LGR4: variants seen among roughly 807,000 people sequenced by gnomAD.
LGR4 encodes the protein leucine-rich repeat-containing G protein-coupled receptor 4.
LGR4 carries 44 observed loss-of-function variants against 84.8 expected under a neutral mutation model. That is an observed-to-expected ratio of 0.52 (90% CI 0.41 to 0.67). LGR4 has a LOEUF of 0.67. Ranked by LOEUF, LGR4 falls within the 30% of genes least tolerant of loss-of-function variation. The pLI, the probability that LGR4 is intolerant of heterozygous loss-of-function variation, is 0.00. For missense variants in LGR4, 1,032 were observed against 1,131.4 expected (o/e 0.91, Z 1.26); for synonymous variants, 429 against 434.3 (o/e 0.99, Z 0.15).
In LGR4 at chr11:27,465,841, G is replaced by A. The variant is rs141657933; in HGVS notation, c.185+6277C>T. On this transcript the variant is annotated intron_variant, in intron 1 of 17. Coordinates refer to ENST00000379214, the MANE Select transcript of LGR4 (RefSeq NM_018490.5). ...CAGACAAATTAGCCATTGTGTAAGA[G>A]TACTGATTTGCTAAATGTCCTAGAT... Among the ~76,000 whole-genome samples, 552 of 152,294 alleles carry A rather than the reference G, an allele frequency of 3.6e-3. 4 individuals are homozygous for A. Among genetic ancestry groups the A allele is most frequent in the Middle Eastern group, 6.8e-3 (2 of 294 alleles).
In LGR4 at chr11:27,369,056, T is replaced by C. The variant is rs754383451; in HGVS notation, c.1667A>G (p.Asn556Ser). The C allele has an allele frequency of 1.9e-6, 3 of 1,613,654 alleles. No individual in the cohort carries two copies. The highest frequency in any genetic ancestry group is 2.5e-6 in the Non-Finnish European group (3 of 1,179,932). Reference sequence around the variant, plus strand: ...AAATGTTGTTAAAATAACAAGCAGGTTGAAAAATAATGCAACCAAGAAAAT... The same window carrying C: ...AAATGTTGTTAAAATAACAAGCAGGCTGAAAAATAATGCAACCAAGAAAAT... ...WFIFLVALFFNLLVILTTFAS... is the reference protein window; with the variant it reads ...WFIFLVALFFSLLVILTTFAS... The change falls in exon 18 of 18, where the codon AAC becomes AGC. Residue 556 changes from asparagine to serine, a missense_variant. Physicochemically the swap from Asn to Ser is conservative, Grantham distance 46. Coordinates refer to ENST00000379214, the MANE Select transcript of LGR4 (RefSeq NM_018490.5).
intron 2 of LGR4, among the ~76,000 whole-genome samples, chr11:27,395,247 A>G (rs1408527901): frequency 6.6e-6 from 1 of 152,106 alleles, no homozygotes; most frequent in Non-Finnish European, 1.5e-5. Flanking sequence ...CTATAAACAG[A>G]GTAAGGCTGT....
intron 2 of LGR4, among the ~76,000 whole-genome samples, chr11:27,409,520 C>T (rs1343829555): frequency 6.6e-6 from 1 of 152,078 alleles, no homozygotes; most frequent in Non-Finnish European, 1.5e-5. Flanking sequence ...TGTTCCCGGT[C>T]TCAGCAAATG....
chr11:27,421,572 G>C (rs1157390916), intron 1 of LGR4, among the ~76,000 whole-genome samples: 1 of 152,014 alleles, frequency 6.6e-6, no homozygotes, highest in African/African-American at 2.4e-5. Context: ...ATAAAACACT[G>C]GTGTGTAAAT....
At chr11:27,382,335 A>AT in intron 6 of LGR4, 79 bp from the exon 7 acceptor site, 1 of 898,400 alleles carries the variant, frequency 1.1e-6, no homozygotes, top group Non-Finnish European at 1.8e-6. Flanking sequence ...ACAGACAAGT[A>AT]TTTTTTTAAA....
At chr11:27,470,352 A>G (rs11030018) in intron 1 of LGR4, among the ~76,000 whole-genome samples, 1 of 152,318 alleles carries the variant, frequency 6.6e-6, no homozygotes, top group East Asian at 1.9e-4. Flanking sequence ...TTAGATACTA[A>G]TGTAAAACAG....
At chr11:27,443,143 C>T (rs1200751950) in intron 1 of LGR4, among the ~76,000 whole-genome samples, 1 of 152,256 alleles carries the variant, frequency 6.6e-6, no homozygotes, top group South Asian at 2.1e-4. Context: ...AAATGGAAGG[C>T]CTAGAGTCTT....
intron 1 of LGR4, among the ~76,000 whole-genome samples, chr11:27,456,459 G>A (rs1864579005): frequency 1.3e-5 from 2 of 152,186 alleles, no homozygotes; most frequent in Admixed American, 1.3e-4. Flanking sequence ...CAACAGGAGA[G>A]GCAGGAAATT....
Position 27,368,852 on chromosome 11 carries a change from A to T in LGR4, c.1871T>A (p.Leu624His). 6.2e-7 allele frequency: 1 copy of T among 1,614,214 alleles called. No homozygotes were observed. The highest frequency in any genetic ancestry group is 8.5e-7 in the Non-Finnish European group (1 of 1,180,040). Residue 624 changes from leucine (L) to histidine (H), a missense_variant, in exon 18 of 18, where the codon CTT becomes CAT. Leu to His is a moderately conservative substitution (Grantham distance 99, BLOSUM62 -3). Coordinates refer to ENST00000379214, the MANE Select transcript of LGR4 (RefSeq NM_018490.5). ...GGCACTTTCTGAGGAGAAAACTGCA[A>T]GAAACCCAGCTACTTTGCAGCCACT... ...TGSGCKVAGF[L>H]AVFSSESAIF...
chr11:27,378,091 T>C (rs1166891092), intron 11 of LGR4, among the ~76,000 whole-genome samples: 2 of 152,186 alleles, frequency 1.3e-5, no homozygotes, highest in Non-Finnish European at 2.9e-5. Context: ...TTTCACACAA[T>C]GACAAAATTG....
intron 1 of LGR4, among the ~76,000 whole-genome samples, chr11:27,465,684 C>T (rs967299920): frequency 2.6e-5 from 4 of 152,200 alleles, no homozygotes; most frequent in African/African-American, 4.8e-5. Context: ...TAAAAAATCA[C>T]GATCTGTCTC....
chr11:27,392,569 TA>T, intron 2 of LGR4, 51 bp from the exon 3 acceptor site: 1 of 1,450,948 alleles, frequency 6.9e-7, no homozygotes, highest in Non-Finnish European at 9.3e-7. Context: ...AATTCAGACT[TA>T]AAATTCAGAA....
rs536094711 is a variant in LGR4 at position 27,372,271 on chromosome 11, T to G, written c.1495+12A>C. 1 of 1,478,666 alleles carries G rather than the reference T, an allele frequency of 6.8e-7. No homozygotes were observed. Among genetic ancestry groups the G allele is most frequent in the South Asian group, 1.1e-5 (1 of 88,384 alleles). 91.6% of individuals were successfully genotyped at this position (1,478,666 alleles called of 1,614,324 possible). ...AAAGGAGTGTTCTATTTTTTGAAAC[T>G]CATGCACTTGCCTTTCTCCTGTGCC... On this transcript the variant is annotated intron_variant, in intron 16 of 17. Coordinates refer to ENST00000379214, the MANE Select transcript of LGR4 (RefSeq NM_018490.5).
intron 1 of LGR4, among the ~76,000 whole-genome samples, chr11:27,415,864 T>C (rs1467731716): frequency 6.6e-6 from 1 of 152,048 alleles, no homozygotes; most frequent in Non-Finnish European, 1.5e-5. Flanking sequence ...CTATAGATAG[T>C]CTTAAGAGTA....
chr11:27,440,929 C>T (rs1864295508), intron 1 of LGR4, among the ~76,000 whole-genome samples: 1 of 152,188 alleles, frequency 6.6e-6, no homozygotes, highest in Non-Finnish European at 1.5e-5. Context: ...GATTCGAATA[C>T]ACATTATAGT....
At chr11:27,409,230 G>A (rs1047790088) in intron 2 of LGR4, among the ~76,000 whole-genome samples, 1 of 151,804 alleles carries the variant, frequency 6.6e-6, no homozygotes, top group Non-Finnish European at 1.5e-5. Flanking sequence ...CTGGGCTCTA[G>A]GGGCCTGACT....
At chr11:27,448,952 T>C (rs1227450555) in intron 1 of LGR4, among the ~76,000 whole-genome samples, 2 of 152,158 alleles carry the variant, frequency 1.3e-5, no homozygotes, top group Admixed American at 1.3e-4. Flanking sequence ...AATAAACACA[T>C]ACTATAATAA....
At chr11:27,436,945 G>A (rs1864222499) in intron 1 of LGR4, among the ~76,000 whole-genome samples, 1 of 151,996 alleles carries the variant, frequency 6.6e-6, no homozygotes. Flanking sequence ...ATTTGAGGGG[G>A]TGGGAATGGC....
chr11:27,397,675 C>T (rs1863415993), intron 2 of LGR4, among the ~76,000 whole-genome samples: 1 of 152,198 alleles, frequency 6.6e-6, no homozygotes, highest in East Asian at 1.9e-4. Context: ...TATTTCTCGA[C>T]ATATGCTGGA....
Sources: allele counts gnomAD v4.1 joint callset (sites outside exome capture counted in the v4.1 genomes callset), GRCh38; gene constraint gnomAD v4.1.1; transcripts MANE v1.5; gene names NCBI Gene and HGNC (gene_info 2026-07-23, HGNC 2026-07-21).